Variants in FRMD5 observed in about 807,000 individuals in gnomAD.
FRMD5 encodes FERM domain-containing protein 5.
Under a neutral mutation model 69.0 loss-of-function variants are expected in FRMD5, and 20 were observed. The observed-to-expected ratio is 0.29, with a 90% CI of 0.20 to 0.42. The LOEUF is 0.42. Among genes scored for constraint, FRMD5 ranks in the 10% least tolerant of loss-of-function variants. The pLI, the probability that FRMD5 is intolerant of heterozygous loss-of-function variation, is 1.00. For missense variants in FRMD5, 595 were observed against 708.6 expected, an observed-to-expected ratio of 0.84 and a Z score of 1.82; for synonymous variants, 271 against 260.1, an observed-to-expected ratio of 1.04 and a Z score of -0.40.
At position 44,105,212 on chromosome 15, in the gene FRMD5, G is replaced by C. The variant is rs2076699545; in HGVS notation, c.102+89741C>G. Among the ~76,000 whole-genome samples, 6 of 151,866 alleles carry C rather than the reference G, an allele frequency of 4.0e-5. No homozygotes were observed. In the South Asian group the frequency reaches 1.2e-3, roughly 32 times the overall value. On this transcript the variant is annotated intron_variant, in intron 1 of 13. Coordinates refer to ENST00000417257, the MANE Select transcript of FRMD5 (RefSeq NM_032892.5). The stretch of plus-strand genomic sequence containing the variant: ...TCACCTCAGCCTCTTGAGTAGCTGG[G>C]ACCACAAGCGCGCAACACCTCGCCC...
At chr15:44,027,645 T>G (rs1891489786) in intron 1 of FRMD5, among the ~76,000 whole-genome samples, 1 of 29,026 alleles carries the variant, frequency 3.4e-5, no homozygotes, top group Admixed American at 6.2e-4. Flanking sequence ...TCTAGTTTTT[T>G]TTTTTGTTTT....
chr15:44,073,453 T>C (rs1381116952), intron 1 of FRMD5, among the ~76,000 whole-genome samples: 1 of 152,242 alleles, frequency 6.6e-6, no homozygotes, highest in East Asian at 1.9e-4. Flanking sequence ...GCTAAATGGA[T>C]AAGGACTTGT....
chr15:44,029,701 T>C (rs377266478), intron 1 of FRMD5, among the ~76,000 whole-genome samples: 30 of 152,324 alleles, frequency 2.0e-4, no homozygotes, highest in Non-Finnish European at 4.0e-4. Flanking sequence ...CACAGTAAAT[T>C]TGTTTCTCAA....
chr15:44,139,152 C>A (rs1017783719), intron 1 of FRMD5, among the ~76,000 whole-genome samples: 2 of 151,786 alleles, frequency 1.3e-5, no homozygotes, highest in Non-Finnish European at 2.9e-5. Context: ...TTTTAAAAAG[C>A]GGAACTAGAA....
In FRMD5 at chr15:44,124,025, CTT is replaced by C. The variant is rs369587761; in HGVS notation, c.102+70926_102+70927del. On this transcript the variant is annotated intron_variant, in intron 1 of 13. Coordinates refer to ENST00000417257, the MANE Select transcript of FRMD5 (RefSeq NM_032892.5). The stretch of plus-strand genomic sequence containing the variant: ...TTGTTTTTTGAGACAGAGTTTTGCT[CTT>C]GTCACCCAGGCTGGAGTGCAGTGGC... Among the ~76,000 whole-genome samples, 131 of 152,120 alleles carry C rather than the reference CTT, an allele frequency of 8.6e-4. 1 individual carries two copies. The highest frequency in any genetic ancestry group is 3.0e-3 in the African/African-American group (125 of 41,508).
At chr15:44,165,735 C>G (rs941193366) in intron 1 of FRMD5, among the ~76,000 whole-genome samples, 2 of 151,402 alleles carry the variant, frequency 1.3e-5, no homozygotes, top group African/African-American at 2.4e-5. Flanking sequence ...CTTGGGAGGC[C>G]GAGGTGAAAG....
At chr15:43,974,558 C>G (rs759024259) in intron 1 of FRMD5, among the ~76,000 whole-genome samples, 1 of 152,234 alleles carries the variant, frequency 6.6e-6, no homozygotes, top group African/African-American at 2.4e-5. Context: ...TACCTATACT[C>G]TGGCTTCTGT....
chr15:44,029,192 A>G (rs1891569031), intron 1 of FRMD5, among the ~76,000 whole-genome samples: 1 of 152,242 alleles, frequency 6.6e-6, no homozygotes. Flanking sequence ...CCAAGCCAAA[A>G]AAGTCCCCAC....
At chr15:44,042,649 A>G (rs973660569) in intron 1 of FRMD5, among the ~76,000 whole-genome samples, 1 of 152,264 alleles carries the variant, frequency 6.6e-6, no homozygotes, top group Non-Finnish European at 1.5e-5. Context: ...AACGTAATCC[A>G]TCACATAAAC....
At chr15:43,909,522 C>T (rs1385225371) in intron 5 of FRMD5, among the ~76,000 whole-genome samples, 2 of 151,156 alleles carry the variant, frequency 1.3e-5, no homozygotes, top group Non-Finnish European at 2.9e-5. Flanking sequence ...GGTCTGTTGC[C>T]CAGGCTGGAG....
At chr15:43,963,719 A>G (rs1225093899) in intron 1 of FRMD5, among the ~76,000 whole-genome samples, 1 of 152,240 alleles carries the variant, frequency 6.6e-6, no homozygotes, top group African/African-American at 2.4e-5. Context: ...ATGAAATACT[A>G]TGCAGCCATA....
intron 1 of FRMD5, among the ~76,000 whole-genome samples, chr15:44,165,334 A>T (rs1265308715): frequency 6.6e-6 from 1 of 152,070 alleles, no homozygotes; most frequent in African/African-American, 2.4e-5. Context: ...ATGCAGGAGG[A>T]TTGCTCGAAA....
intron 13 of FRMD5, among the ~76,000 whole-genome samples, chr15:43,882,267 G>A (rs79285473): frequency 2.0e-5 from 3 of 152,078 alleles, no homozygotes; most frequent in Non-Finnish European, 2.9e-5. Context: ...TTCCCACCTC[G>A]GCCTGCTCCA....
intron 1 of FRMD5, among the ~76,000 whole-genome samples, chr15:44,011,648 A>C (rs1890727589): frequency 6.6e-6 from 1 of 152,218 alleles, no homozygotes; most frequent in Non-Finnish European, 1.5e-5. Context: ...GGATGAGATC[A>C]TCAAGGGAGA....
chr15:44,023,115 C>T (rs535777192), intron 1 of FRMD5, among the ~76,000 whole-genome samples: 1 of 152,128 alleles, frequency 6.6e-6, no homozygotes, highest in East Asian at 1.9e-4. Context: ...ACAAAAAGCC[C>T]CAGTCTTTGG....
At chr15:44,191,906 T>C (rs1377512381) in intron 1 of FRMD5, among the ~76,000 whole-genome samples, 1 of 1,166 alleles carries the variant, frequency 8.6e-4, no homozygotes, top group Admixed American at 0.015. Context: ...TATATATATA[T>C]ATATATATAT....
intron 1 of FRMD5, among the ~76,000 whole-genome samples, chr15:44,093,276 T>C (rs2076501251): frequency 6.6e-6 from 1 of 151,994 alleles, no homozygotes; most frequent in African/African-American, 2.4e-5. Flanking sequence ...GAAACTTGTA[T>C]ACATTAGATA....
chr15:44,190,699 T>C (rs562919746), intron 1 of FRMD5, among the ~76,000 whole-genome samples: 37 of 152,324 alleles, frequency 2.4e-4, no homozygotes, highest in African/African-American at 8.9e-4. Context: ...TGTAATGGAA[T>C]GGATTAAAAC....
chr15:44,170,742 A>C (rs1317962633), intron 1 of FRMD5, among the ~76,000 whole-genome samples: 1 of 152,190 alleles, frequency 6.6e-6, no homozygotes, highest in East Asian at 1.9e-4. Context: ...TCCCTTAGAT[A>C]AGCCACTGGC....
Sources: allele counts gnomAD v4.1 joint callset (sites outside exome capture counted in the v4.1 genomes callset), GRCh38; gene constraint gnomAD v4.1.1; transcripts MANE v1.5; gene names NCBI Gene and HGNC (gene_info 2026-07-23, HGNC 2026-07-21).